Variants in SCGB2B2 observed in about 807,000 individuals in gnomAD.
The protein encoded by SCGB2B2 is secretoglobin-like protein.
In SCGB2B2, 11 loss-of-function variants were observed where a neutral mutation model predicts 7.6. The ratio of observed to expected loss-of-function variants is 1.45; its 90% CI spans 0.91 to 2.40. The LOEUF is 2.40. SCGB2B2 is among the 30% of genes most tolerant of loss of function. The probability of loss-of-function intolerance (pLI) is 0.00; values close to 1 mark genes in which losing one functional copy is unlikely to be tolerated. For synonymous variants in SCGB2B2, 50 were observed against 48.6 expected, an observed-to-expected ratio of 1.03 and a Z score of -0.12; for missense variants, 104 against 115.4, an observed-to-expected ratio of 0.90 and a Z score of 0.45.
rs1413091232 is a variant in SCGB2B2, at chr19:34,594,658, T to C, written c.-95A>G. The C allele has an allele frequency of 8.9e-6, 1 of 111,836 alleles. No homozygotes were observed. Among genetic ancestry groups the C allele is most frequent in the Non-Finnish European group, 1.5e-5 (1 of 67,318 alleles). 6.9% of individuals were successfully genotyped at this position (111,836 alleles called of 1,614,324 possible). A position where few individuals can be genotyped will look rare whatever the true frequency, so the allele number is the denominator to read the frequency against. On this transcript the variant is annotated 5_prime_UTR_variant, in exon 2 of 4. Transcript: ENST00000601241. ...AACAAGGCACATGCCTCTTCGTGTGTGTGTGTGTGTGTGTGTGTGTGTGTG... is the reference window on the plus strand; with the variant it reads ...AACAAGGCACATGCCTCTTCGTGTGCGTGTGTGTGTGTGTGTGTGTGTGTG...
At chr19:34,627,746 C>G (rs978880477) in intron 1 of SCGB2B2, among the ~76,000 whole-genome samples, 1 of 152,016 alleles carries the variant, frequency 6.6e-6, no homozygotes, top group Non-Finnish European at 1.5e-5. Flanking sequence ...TCCAGGAATT[C>G]AACTCCGCTC....
At chr19:34,651,346 C>A (rs890345858) in intron 1 of SCGB2B2, among the ~76,000 whole-genome samples, 3 of 150,932 alleles carry the variant, frequency 2.0e-5, no homozygotes, top group African/African-American at 7.4e-5. Context: ...GTACAGAAAA[C>A]CCCTAAAGCA....
At chr19:34,662,050 T>G (rs1308857018) in intron 1 of SCGB2B2, among the ~76,000 whole-genome samples, 1 of 152,078 alleles carries the variant, frequency 6.6e-6, no homozygotes, top group Non-Finnish European at 1.5e-5. Context: ...AAGCTAATTT[T>G]TTTGTATTTT....
At chr19:34,627,903 G>C (rs1334735167) in intron 1 of SCGB2B2, among the ~76,000 whole-genome samples, 1 of 152,150 alleles carries the variant, frequency 6.6e-6, no homozygotes, top group African/African-American at 2.4e-5. Flanking sequence ...TAAAAGAACA[G>C]AAATTATAAC....
chr19:34,597,673 C>G (rs2065497886), intron 1 of SCGB2B2, among the ~76,000 whole-genome samples: 1 of 152,180 alleles, frequency 6.6e-6, no homozygotes, highest in Admixed American at 6.5e-5. Flanking sequence ...GGCCTGGGCA[C>G]AGGAGGGACG....
chr19:34,645,890 T>G (rs2066996950), intron 1 of SCGB2B2: 1 of 251,466 alleles, frequency 4.0e-6, no homozygotes, highest in African/African-American at 2.3e-5. Flanking sequence ...CCACAGGGGA[T>G]GCCTGCCTGG....
chr19:34,647,721 T>C (rs1315305860), intron 1 of SCGB2B2, among the ~76,000 whole-genome samples: 1 of 152,198 alleles, frequency 6.6e-6, no homozygotes, highest in Non-Finnish European at 1.5e-5. Context: ...AGGGCGCTGC[T>C]TCCCTGAAGT....
chr19:34,593,740 T>C (rs894936134), intron 3 of SCGB2B2, 141 bp from the exon 4 acceptor site: 7 of 668,666 alleles, frequency 1.0e-5, no homozygotes, highest in African/African-American at 1.8e-5. Context: ...TGGACAAAGA[T>C]GGTGGATGTG....
rs774719790 is a variant in SCGB2B2 at position 34,594,166 on chromosome 19, C to G, written c.246+9G>C. 2.5e-6 allele frequency: 4 copies of G among 1,612,182 alleles called. No homozygotes were observed. The highest frequency in any genetic ancestry group is 4.5e-5 in the East Asian group (2 of 44,870). On this transcript the variant is annotated intron_variant, in intron 3 of 3. Coordinates refer to ENST00000601241, the MANE Select transcript of SCGB2B2 (RefSeq NM_001025591.4). ...TGTAGTGTGTGCAGGTCCCCCCGGG[C>G]ACACTCACAATAACAACTGAATGAG... is the stretch of plus-strand genomic sequence containing the variant.
At chr19:34,630,493 G>A (rs982210441) in intron 1 of SCGB2B2, among the ~76,000 whole-genome samples, 3 of 151,976 alleles carry the variant, frequency 2.0e-5, no homozygotes, top group African/African-American at 4.8e-5. Flanking sequence ...CACTTATGCA[G>A]CCTAAAGACA....
At chr19:34,629,693 C>G (rs1206123498) in intron 1 of SCGB2B2, among the ~76,000 whole-genome samples, 1 of 151,928 alleles carries the variant, frequency 6.6e-6, no homozygotes, top group Admixed American at 6.6e-5. Flanking sequence ...GGCATATTGC[C>G]CAAGGTAATT....
chr19:34,656,333 G>C (rs982561294), intron 1 of SCGB2B2, among the ~76,000 whole-genome samples: 1 of 151,448 alleles, frequency 6.6e-6, no homozygotes, highest in Non-Finnish European at 1.5e-5. Context: ...AGAGGGTGCA[G>C]TGGCTCATGC....
intron 1 of SCGB2B2, among the ~76,000 whole-genome samples, chr19:34,605,800 G>A (rs1349941634): frequency 2.0e-5 from 3 of 151,948 alleles, no homozygotes; most frequent in Non-Finnish European, 4.4e-5. Flanking sequence ...CTCCATGTTG[G>A]TCAGGCTGGT....
intron 1 of SCGB2B2, chr19:34,635,624 T>C: frequency 4.7e-6 from 1 of 213,044 alleles, no homozygotes; most frequent in Non-Finnish European, 9.8e-6. Context: ...TGCTGTGGAC[T>C]CTCTGGTGCT....
At chr19:34,663,737 G>C (rs1351765964) in intron 1 of SCGB2B2, among the ~76,000 whole-genome samples, 1 of 152,114 alleles carries the variant, frequency 6.6e-6, no homozygotes, top group Non-Finnish European at 1.5e-5. Flanking sequence ...ATAGAAAGAT[G>C]AGAGGCCATG....
At chr19:34,656,470 G>A (rs112886211) in intron 1 of SCGB2B2, among the ~76,000 whole-genome samples, 2,685 of 151,160 alleles carry the variant, frequency 0.018, 47 homozygotes, top group South Asian at 0.075. Flanking sequence ...AGATGTGGTG[G>A]CACCCACCTA....
chr19:34,654,301 A>G (rs2067231753), intron 1 of SCGB2B2, among the ~76,000 whole-genome samples: 1 of 151,382 alleles, frequency 6.6e-6, no homozygotes, highest in South Asian at 2.1e-4. Flanking sequence ...ACTTTAAATG[A>G]TACTATTTAA....
intron 1 of SCGB2B2, among the ~76,000 whole-genome samples, chr19:34,614,480 G>T (rs401254): frequency 0.84 from 128,180 of 152,044 alleles, 54,806 homozygotes; most frequent in African/African-American, 0.91. Flanking sequence ...TATTCCTATC[G>T]CTATTGAATT....
At chr19:34,655,992 C>T (rs928258403) in intron 1 of SCGB2B2, among the ~76,000 whole-genome samples, 1 of 151,166 alleles carries the variant, frequency 6.6e-6, no homozygotes, top group Non-Finnish European at 1.5e-5. Flanking sequence ...TGAAGACTAA[C>T]CCTGTTGGAA....
Sources: allele counts gnomAD v4.1 joint callset (sites outside exome capture counted in the v4.1 genomes callset), GRCh38; gene constraint gnomAD v4.1.1; transcripts MANE v1.5; gene names NCBI Gene and HGNC (gene_info 2026-07-23, HGNC 2026-07-21).